The following SLC28A1 variants were observed in gnomAD, a reference collection of about 807,000 sequenced individuals.
SLC28A1 encodes sodium/nucleoside cotransporter 1.
Under a neutral mutation model 74.8 loss-of-function variants are expected in SLC28A1, and 64 were observed. That is an observed-to-expected ratio of 0.86 (90% confidence interval 0.70 to 1.05). The LOEUF (loss-of-function observed/expected upper bound fraction) is 1.05, where lower values mean the gene tolerates loss of function less well. Ranked by LOEUF, SLC28A1 falls within the 50% of genes least tolerant of loss-of-function variation. SLC28A1 has a pLI of 0.00. For synonymous variants in SLC28A1, 359 were observed against 335.0 expected (o/e 1.07, Z -0.78); for missense variants, 828 against 822.8 (o/e 1.01, Z -0.08).
the SLC28A1 span, among the ~76,000 whole-genome samples, chr15:84,968,588 G>A: frequency 3.3e-5 from 5 of 152,328 alleles, no homozygotes; most frequent in Middle Eastern, 0.017. Flanking sequence ...TGTCACTTCT[G>A]CAGTCTCCTA....
At chr15:84,949,810 G>A (rs190161154), downstream of SLC28A1, among the ~76,000 whole-genome samples, 151 of 152,176 alleles carry the variant, frequency 9.9e-4, 2 homozygotes, top group African/African-American at 3.3e-3. Flanking sequence ...TGTCATTTAG[G>A]AGAGAATGAG....
chr15:84,923,099 G>A (rs928746449), intron 11 of SLC28A1, among the ~76,000 whole-genome samples: 22 of 152,234 alleles, frequency 1.4e-4, no homozygotes, highest in African/African-American at 3.6e-4. Flanking sequence ...CAGCATGCCC[G>A]GCTAATTTTT....
chr15:84,926,535 T>C, intron 12 of SLC28A1: 1 of 455,328 alleles, frequency 2.2e-6, no homozygotes, highest in Non-Finnish European at 4.4e-6. Context: ...TTCCCTTTGA[T>C]CCAGCTAGAA....
intron 18 of SLC28A1, 70 bp downstream of exon 18, chr15:84,944,937 G>C: frequency 8.2e-7 from 1 of 1,221,660 alleles, no homozygotes; most frequent in East Asian, 2.3e-5. Flanking sequence ...CGCTGGGGGG[G>C]ATGCCTTTGG....
At position 84,921,033 on chromosome 15, in the gene SLC28A1, G is replaced by T. The variant is rs1172077318; in HGVS notation, c.921G>T (p.Glu307Asp). Residue 307 changes from glutamate to aspartate, a missense_variant, in exon 11 of 19, where the codon GAG becomes GAT. Coordinates refer to ENST00000394573, the MANE Select transcript of SLC28A1 (RefSeq NM_004213.5). ...TCACCATGGGCACCACAGCCACTGA[G>T]ACCCTGAGTGTGGCTGGAAACATCT... The part of the protein sequence containing the change: ...MQVTMGTTAT[E>D]TLSVAGNIFV... 14 of 1,613,972 alleles carry T rather than the reference G, an allele frequency of 8.7e-6. No homozygotes were observed. The highest frequency in any genetic ancestry group is 1.2e-5 in the Non-Finnish European group (14 of 1,179,972).
chr15:84,947,245 T>C (rs2142080029), downstream of SLC28A1, among the ~76,000 whole-genome samples: 1 of 152,312 alleles, frequency 6.6e-6, no homozygotes, highest in South Asian at 2.1e-4. Flanking sequence ...CCTCCCTCAG[T>C]CCTTGCTACC....
At chr15:84,940,249 T>G (rs2142039833) in intron 15 of SLC28A1, among the ~76,000 whole-genome samples, 1 of 152,320 alleles carries the variant, frequency 6.6e-6, no homozygotes, top group African/African-American at 2.4e-5. Flanking sequence ...AACAAGAGCC[T>G]GCTTTAAATT....
chr15:84,897,264 T>C (rs1307574852), intron 6 of SLC28A1, among the ~76,000 whole-genome samples: 1 of 149,376 alleles, frequency 6.7e-6, no homozygotes, highest in Non-Finnish European at 1.5e-5. Context: ...TACGCGCCTG[T>C]AATTGCAGCT....
intron 12 of SLC28A1, among the ~76,000 whole-genome samples, chr15:84,924,727 A>G (rs1431654003): frequency 2.0e-5 from 3 of 152,218 alleles, no homozygotes; most frequent in East Asian, 1.9e-4. Flanking sequence ...CTTTACATTC[A>G]TAAAACACCT....
intron 6 of SLC28A1, among the ~76,000 whole-genome samples, chr15:84,898,917 G>A (rs750427593): frequency 5.3e-5 from 8 of 152,186 alleles, no homozygotes; most frequent in Non-Finnish European, 1.0e-4. Context: ...GGTTCACGTT[G>A]CAGAGCACAG....
chr15:84,970,834 CA>C, the SLC28A1 span, among the ~76,000 whole-genome samples: 39,075 of 149,608 alleles, frequency 0.26, 6,067 homozygotes, highest in African/African-American at 0.42. Context: ...CTCATATCTA[CA>C]AAAAAAAACA....
chr15:84,932,102 T>A (rs11073820), intron 12 of SLC28A1, among the ~76,000 whole-genome samples: 62,341 of 152,110 alleles, frequency 0.41, 13,878 homozygotes, highest in East Asian at 0.88. Context: ...AATCTTTTCA[T>A]GCGCCATTTT....
chr15:84,937,049 T>C (rs1972021153), intron 15 of SLC28A1, among the ~76,000 whole-genome samples: 1 of 31,428 alleles, frequency 3.2e-5, no homozygotes, highest in Non-Finnish European at 5.4e-5. Flanking sequence ...CAAGACCCTG[T>C]CTTTAAAAAA....
At chr15:84,960,386 T>A in the SLC28A1 span, among the ~76,000 whole-genome samples, 1 of 151,900 alleles carries the variant, frequency 6.6e-6, no homozygotes, top group East Asian at 1.9e-4. Context: ...GCCTCCCAAG[T>A]AACTTGGATT....
At chr15:84,969,042 A>C in the SLC28A1 span, among the ~76,000 whole-genome samples, 1 of 152,178 alleles carries the variant, frequency 6.6e-6, no homozygotes, top group Non-Finnish European at 1.5e-5. Context: ...TGTGGCTTTT[A>C]TATGCACAAA....
chr15:84,941,538 C>A (rs1220470506), intron 15 of SLC28A1, among the ~76,000 whole-genome samples: 1 of 151,956 alleles, frequency 6.6e-6, no homozygotes, highest in Non-Finnish European at 1.5e-5. Flanking sequence ...AGATTTTATA[C>A]CAAATATTTT....
At chr15:84,893,116 G>A (rs1965545343) in intron 5 of SLC28A1, among the ~76,000 whole-genome samples, 1 of 150,298 alleles carries the variant, frequency 6.7e-6, no homozygotes, top group South Asian at 2.1e-4. Flanking sequence ...CACAGGCCCT[G>A]AGGCGCACAG....
At chr15:84,904,005 G>A (rs1966851742) in intron 6 of SLC28A1, 92 bp from the exon 7 acceptor site, 2 of 1,558,442 alleles carry the variant, frequency 1.3e-6, no homozygotes, top group East Asian at 4.5e-5. Flanking sequence ...CCAGCCCTGA[G>A]CACCCTTTCT....
At chr15:84,934,778 C>T (rs1177574591) in intron 13 of SLC28A1, among the ~76,000 whole-genome samples, 5 of 152,166 alleles carry the variant, frequency 3.3e-5, no homozygotes, top group Admixed American at 3.3e-4. Context: ...TTTTGTACAA[C>T]ACAACTCAAT....
Sources: allele counts gnomAD v4.1 joint callset (sites outside exome capture counted in the v4.1 genomes callset), GRCh38; gene constraint gnomAD v4.1.1; transcripts MANE v1.5; gene names NCBI Gene and HGNC (gene_info 2026-07-23, HGNC 2026-07-21).